NUMA1: variants seen among roughly 807,000 people sequenced by gnomAD.
NUMA1 encodes nuclear mitotic apparatus protein 1.
NUMA1 carries 62 observed loss-of-function variants against 237.1 expected under a neutral mutation model. That is an observed-to-expected ratio of 0.26 (90% confidence interval 0.21 to 0.32). The LOEUF (loss-of-function observed/expected upper bound fraction) is 0.32, where lower values mean the gene tolerates loss of function less well. Among genes scored for constraint, NUMA1 ranks in the 10% least tolerant of loss-of-function variants. The pLI is 1.00. For synonymous variants in NUMA1, 1,028 were observed against 1,066.1 expected, an observed-to-expected ratio of 0.96 and a Z score of 0.70; for missense variants, 2,533 against 2,666.5, an observed-to-expected ratio of 0.95 and a Z score of 1.10.
At position 72,015,013 on chromosome 11, in the gene NUMA1, C is replaced by T. The variant is rs749840382; in HGVS notation, c.2490G>A (p.Met830Ile). ...TCAAAGTCATCAGCTGTTCCTGGAACATGGCGCCATACTGTGCCTCCTCTT... is the reference window on the plus strand; with the variant it reads ...TCAAAGTCATCAGCTGTTCCTGGAATATGGCGCCATACTGTGCCTCCTCTT... The part of the protein sequence containing the change: ...SQQEEAQYGA[M>I]FQEQLMTLKE... Residue 830 changes from methionine (M) to isoleucine (I), a missense_variant, in exon 15 of 27, where the codon ATG (methionine) becomes ATA (isoleucine). By Grantham distance (10) the Met-to-Ile change is conservative. This residue lies in a region of NUMA1 where 1,414 missense variants were observed against 1,508.1 expected (regional missense o/e 0.94). Coordinates refer to ENST00000393695, the MANE Select transcript of NUMA1 (RefSeq NM_006185.4). This position sits in a 1 kb window ranked among gnomAD's most constrained non-coding sequence, Gnocchi z 4.0. 6.2e-7 allele frequency: 1 copy of T among 1,614,152 alleles called. No individual in the cohort carries two copies. The highest frequency in any genetic ancestry group is 1.7e-5 in the Admixed American group (1 of 60,032).
In NUMA1 at chr11:72,017,828, C is replaced by A. The variant is rs1278212502; in HGVS notation, c.979-1G>T. 6.3e-7 allele frequency: 1 copy of A among 1,589,734 alleles called. No individual in the cohort carries two copies. Among genetic ancestry groups the A allele is most frequent in the Non-Finnish European group, 8.6e-7 (1 of 1,169,204 alleles). Reference sequence around the variant, plus strand: ...GCAGATGACTGGCAAACTCCCGCAGCTGAGACGGGCAAGTGAGAATCCCCA... The same window carrying A: ...GCAGATGACTGGCAAACTCCCGCAGATGAGACGGGCAAGTGAGAATCCCCA... On this transcript the variant is annotated splice_acceptor_variant, in intron 12 of 26. Transcript: ENST00000393695. LOFTEE classifies it high-confidence loss of function.
At position 72,030,500 on chromosome 11, in the gene NUMA1, A is replaced by G. The variant is rs531920834; in HGVS notation, c.43-1210T>C. On this transcript the variant is annotated intron_variant, in intron 3 of 26. Coordinates refer to ENST00000393695, the MANE Select transcript of NUMA1 (RefSeq NM_006185.4). Reference sequence around the variant, plus strand: ...TACATTTAAATCAGTTTTTACCACTAGAATATTCACCAGGGGTCACACACA... The same window carrying G: ...TACATTTAAATCAGTTTTTACCACTGGAATATTCACCAGGGGTCACACACA... 3.3e-5 allele frequency among the ~76,000 whole-genome samples: 5 copies of G among 152,320 alleles called. No homozygotes were observed. The East Asian group carries it at 9.6e-4, about 29-fold the overall frequency.
At position 72,004,002 on chromosome 11, in the gene NUMA1, G is replaced by T. The variant is rs143840948; in HGVS notation, c.6221C>A (p.Ser2074Tyr). 3.0e-5 allele frequency: 48 copies of T among 1,613,480 alleles called. No individual in the cohort carries two copies. The highest frequency in any genetic ancestry group is 3.8e-5 in the Non-Finnish European group (45 of 1,179,726). Residue 2074 changes from serine to tyrosine, a missense_variant, in exon 26 of 27, where the codon TCC becomes TAC. By Grantham distance (144) the Ser-to-Tyr change is moderately radical. Transcript: ENST00000393695. ...ACTGCGAGTGTTGGGGGAAGCCTTG[G>T]ACAGGGCCTTCTTTGAGGCTCCCCG... Reference protein sequence around the residue: ...LRRGASKKALSKASPNTRSGT... With the variant: ...LRRGASKKALYKASPNTRSGT...
Position 72,014,227 on chromosome 11 carries a change from T to G in NUMA1, c.3276A>C (p.Glu1092Asp), listed in dbSNP as rs1201222856. ...GCTCCTTTTCTTTCTTAGCCAGCTGTTCCTTCAGTTGCTTCACGGTTTGCC... is the reference window on the plus strand; with the variant it reads ...GCTCCTTTTCTTTCTTAGCCAGCTGGTCCTTCAGTTGCTTCACGGTTTGCC... Reference protein sequence around the residue: ...ELRQTVKQLKEQLAKKEKEHA... With the variant: ...ELRQTVKQLKDQLAKKEKEHA... The change falls in exon 15 of 27, where the codon GAA becomes GAC. Residue 1092 changes from glutamate (E) to aspartate (D), a missense_variant. By Grantham distance (45) the Glu-to-Asp change is conservative (BLOSUM62 2). Around this residue, in one of 3 missense-constraint regions of NUMA1, gnomAD observed 1,414 missense variants for 1,508.1 expected, o/e 0.94. Transcript: ENST00000393695. The surrounding 1 kb of genome is among the most constrained non-coding windows in gnomAD (Gnocchi z 4.6). The G allele has an allele frequency of 6.2e-7, 1 of 1,614,034 alleles. No homozygotes were observed.
In NUMA1 at chr11:72,008,720, G is replaced by T; in HGVS notation, c.5184C>A (p.Ser1728Arg). Reference sequence around the variant, plus strand: ...TACTGAGTGGGGTCCCCTCCTCGCAGCTCAGATCCAGGCTGTCAATACTCA... The same window carrying T: ...TACTGAGTGGGGTCCCCTCCTCGCATCTCAGATCCAGGCTGTCAATACTCA... ...LDLSIDSLDL[S>R]CEEGTPLSIT... The change falls in exon 20 of 27, where the codon AGC becomes AGA. Residue 1728 changes from serine to arginine, a missense_variant. Coordinates refer to ENST00000393695, the MANE Select transcript of NUMA1 (RefSeq NM_006185.4). 1 of 1,614,148 alleles carries T rather than the reference G, an allele frequency of 6.2e-7. No individual in the cohort carries two copies. The highest frequency in any genetic ancestry group is 1.7e-5 in the Admixed American group (1 of 60,016).
In NUMA1 at chr11:72,055,816, C is replaced by CA. The variant is rs34833139; in HGVS notation, c.-33+14025dup. Among the ~76,000 whole-genome samples, 728 of 127,146 alleles carry CA rather than the reference C, an allele frequency of 5.7e-3. 1 individual carries two copies. The highest frequency in any genetic ancestry group is 0.041 in the Middle Eastern group (9 of 218). 83.4% of individuals were successfully genotyped at this position (127,146 alleles called of 152,430 possible). ...GTGACAAAGCAAGACCCCCATCTCTCAAAAAAAAAAAAAATTCAGCTGGGC... is the reference window on the plus strand; with the variant it reads ...GTGACAAAGCAAGACCCCCATCTCTCAAAAAAAAAAAAAAATTCAGCTGGGC... On this transcript the variant is annotated intron_variant, in intron 2 of 26. Transcript: ENST00000393695.
intron 2 of NUMA1, among the ~76,000 whole-genome samples, chr11:72,039,496 G>A (rs1232084169): frequency 6.6e-6 from 1 of 152,090 alleles, no homozygotes; most frequent in Non-Finnish European, 1.5e-5. Flanking sequence ...AAACTATACC[G>A]ATCTCTCAGC....
rs2134641071 is a variant in NUMA1, at chr11:72,008,845, C to T, written c.5059G>A (p.Val1687Ile). ...CGAAGCTGCTGGTCTGCATGGGCAA[C>T]CTGAGAAGGAGAGGGCCAGGGGGAG... ...TAQVRSLEAQ[V>I]AHADQQLRDL... The change falls in exon 20 of 27, where the codon GTT becomes ATT. Residue 1687 changes from valine to isoleucine, a missense_variant and splice_region_variant. Val to Ile is a conservative substitution (Grantham distance 29, BLOSUM62 3). Transcript: ENST00000393695. 5.0e-6 allele frequency: 8 copies of T among 1,614,044 alleles called. No individual in the cohort carries two copies. The highest frequency in any genetic ancestry group is 4.4e-5 in the South Asian group (4 of 91,072).
At chr11:72,060,581 C>T (rs563756404) in intron 2 of NUMA1, among the ~76,000 whole-genome samples, 3 of 151,800 alleles carry the variant, frequency 2.0e-5, no homozygotes, top group Admixed American at 6.6e-5. Context: ...AGGCCAAGGC[C>T]GTGGTGAACT....
intron 4 of NUMA1, among the ~76,000 whole-genome samples, chr11:72,027,514 G>A (rs909757431): frequency 9.3e-5 from 14 of 150,936 alleles, no homozygotes; most frequent in Admixed American, 7.3e-4. Context: ...CCATAATAAT[G>A]CAATTAACAA....
chr11:72,035,945 T>C lies in NUMA1; in HGVS notation c.-2A>G, dbSNP rs149620306. On this transcript the variant is annotated 5_prime_UTR_variant, in exon 3 of 27. Transcript: ENST00000393695. ...CCCCCGGGTGGCGTGGAGTGTCATC[T>C]TGGTGATGCCAGACAGTCACTCCAA... 1.2e-6 allele frequency: 2 copies of C among 1,613,908 alleles called. No individual in the cohort carries two copies. The highest frequency in any genetic ancestry group is 1.7e-6 in the Non-Finnish European group (2 of 1,179,954).
chr11:72,024,703 CT>C, intron 4 of NUMA1: 1 of 248,500 alleles, frequency 4.0e-6, no homozygotes, highest in Admixed American at 5.1e-5. Flanking sequence ...TGGCTCAACT[CT>C]AAACTGTCAG....
rs1046996448 is a variant in NUMA1, at chr11:72,029,150, A to C, written c.128+55T>G. On this transcript the variant is annotated intron_variant, in intron 4 of 26. Coordinates refer to ENST00000393695, the MANE Select transcript of NUMA1 (RefSeq NM_006185.4). Reference sequence around the variant, plus strand: ...AGTAAAGAGAACAAGTACAGCCCCCACCCCAGCAATCAGCTTTGCCTTAGA... The same window carrying C: ...AGTAAAGAGAACAAGTACAGCCCCCCCCCCAGCAATCAGCTTTGCCTTAGA... The C allele has an allele frequency of 4.2e-5, 54 of 1,299,400 alleles. No homozygotes were observed. In the African/African-American group the frequency reaches 6.6e-4, roughly 16 times the overall value. The allele number at this position is 1,299,400 out of a possible 1,614,324, so 80.5% of individuals were successfully genotyped here.
At chr11:72,027,800 G>A (rs1939772423) in intron 4 of NUMA1, among the ~76,000 whole-genome samples, 2 of 152,218 alleles carry the variant, frequency 1.3e-5, no homozygotes, top group Admixed American at 1.3e-4. Context: ...GCAGATTAGA[G>A]AAGAACTAGG....
intron 1 of NUMA1, 182 bp downstream of exon 1, chr11:72,080,276 C>CG (rs1367622977): frequency 6.9e-6 from 1 of 145,900 alleles, no homozygotes; most frequent in African/African-American, 2.6e-5. Context: ...ACCCCCCCCC[C>CG]CCCCGGCTCC....
intron 26 of NUMA1, 37 bp downstream of exon 26, chr11:72,003,850 A>T (rs575836608): frequency 7.5e-6 from 12 of 1,605,808 alleles, no homozygotes; most frequent in Non-Finnish European, 1.0e-5. Context: ...CCATGCTCTC[A>T]TCGGGTTTCC....
At chr11:72,049,583 A>ATATATATATATATG (rs71052844) in intron 2 of NUMA1, 15 of 22,550 alleles carry the variant, frequency 6.7e-4, no homozygotes, top group African/African-American at 1.4e-3. Context: ...ATATATATAT[A>ATATATATATATATG]GTGTGTGTGT....
chr11:72,022,486 C>T (rs371156016), intron 6 of NUMA1, 67 bp from the exon 7 acceptor site: 1 of 1,098,724 alleles, frequency 9.1e-7, no homozygotes, highest in Non-Finnish European at 1.4e-6. Flanking sequence ...CCATTCTGGG[C>T]TGTTCTGGGG....
At chr11:72,054,222 T>TTGGCAGGTCAAGGC (rs1942514479) in intron 2 of NUMA1, among the ~76,000 whole-genome samples, 3 of 151,918 alleles carry the variant, frequency 2.0e-5, no homozygotes, top group African/African-American at 2.4e-5. Context: ...TCCCAGCACT[T>TTGGCAGGTCAAGGC]TGGCAGGTCA....
Sources: gnomAD v4.1 joint callset for allele counts (sites outside exome capture counted in the v4.1 genomes callset) on GRCh38, gnomAD v4.1.1 for gene constraint, gnomAD v4.1.1 regional missense constraint, Gnocchi (gnomAD v3.1) non-coding constraint, MANE v1.5 for transcripts, NCBI Gene and HGNC (gene_info 2026-07-23, HGNC 2026-07-21) for gene names.